KDM4C: variants seen among roughly 807,000 people sequenced by gnomAD.
KDM4C encodes the protein lysine demethylase 4C, also known as lysine-specific demethylase 4C.
KDM4C carries 81 observed loss-of-function variants against 129.3 expected under a neutral mutation model. That is an observed-to-expected ratio of 0.63 (90% CI 0.52 to 0.75). The LOEUF (loss-of-function observed/expected upper bound fraction) is 0.75, where lower values mean the gene tolerates loss of function less well. Among genes scored for constraint, KDM4C ranks in the 30% least tolerant of loss-of-function variants. The pLI is 0.00. For missense variants in KDM4C, 1,457 were observed against 1,304.0 expected (o/e 1.12, Z -1.81); for synonymous variants, 573 against 456.1 (o/e 1.26, Z -3.26).
chr9:7,104,074 A>G (rs1837409471), intron 18 of KDM4C: 3 of 548,008 alleles, frequency 5.5e-6, no homozygotes, highest in Admixed American at 6.1e-5. Context: ...GGTGCACGCT[A>G]GGCACAATAA....
At chr9:6,759,422 TTTGCGATTATCGC>T in intron 1 of KDM4C, among the ~76,000 whole-genome samples, 1 of 152,328 alleles carries the variant, frequency 6.6e-6, no homozygotes, top group Non-Finnish European at 1.5e-5. Flanking sequence ...TCGGCTCTGC[TTTGCGATTATCGC>T]TTGCTTTCTT....
intron 8 of KDM4C, among the ~76,000 whole-genome samples, chr9:6,895,823 CTTTA>C (rs1816325117): frequency 6.6e-6 from 1 of 152,112 alleles, no homozygotes; most frequent in South Asian, 2.1e-4. Flanking sequence ...AGGAAAATAA[CTTTA>C]TAAAGAGATA....
At chr9:7,035,634 C>G (rs1162895743) in intron 15 of KDM4C, among the ~76,000 whole-genome samples, 2 of 151,912 alleles carry the variant, frequency 1.3e-5, no homozygotes, top group African/African-American at 4.8e-5. Context: ...AGGTTTAGGT[C>G]TTTGATTCAT....
At chr9:6,956,836 A>G (rs879262648) in intron 8 of KDM4C, among the ~76,000 whole-genome samples, 1 of 152,176 alleles carries the variant, frequency 6.6e-6, no homozygotes, top group East Asian at 1.9e-4. Flanking sequence ...TTATCAAGGC[A>G]TAGTAGGGTA....
upstream of KDM4C, among the ~76,000 whole-genome samples, chr9:6,754,542 G>A (rs1818181419): frequency 1.3e-5 from 2 of 152,078 alleles, no homozygotes; most frequent in Non-Finnish European, 2.9e-5. Flanking sequence ...AAAGTGTAGT[G>A]TACTTCAACA....
chr9:7,117,350 C>G (rs1839013597), intron 18 of KDM4C, among the ~76,000 whole-genome samples: 1 of 152,016 alleles, frequency 6.6e-6, no homozygotes, highest in South Asian at 2.1e-4. Context: ...GTGTGTTTAA[C>G]CCATTCACCA....
At chr9:6,778,271 G>T (rs1042159363) in intron 1 of KDM4C, among the ~76,000 whole-genome samples, 1 of 151,046 alleles carries the variant, frequency 6.6e-6, no homozygotes, top group African/African-American at 2.4e-5. Context: ...TGTATTTTTA[G>T]TAGAGACAGG....
At chr9:6,875,859 G>T (rs1843467777) in intron 5 of KDM4C, among the ~76,000 whole-genome samples, 2 of 152,172 alleles carry the variant, frequency 1.3e-5, no homozygotes, top group South Asian at 4.1e-4. Flanking sequence ...CTCCTGAATT[G>T]AATTAGATTG....
chr9:6,933,355 A>C (rs1009766647), intron 8 of KDM4C, among the ~76,000 whole-genome samples: 2 of 152,202 alleles, frequency 1.3e-5, no homozygotes, highest in African/African-American at 4.8e-5. Flanking sequence ...CCTATCTGAG[A>C]TAGATTTTAG....
chr9:6,854,537 A>AAAC (rs1839440554), intron 5 of KDM4C, among the ~76,000 whole-genome samples: 1 of 146,234 alleles, frequency 6.8e-6, no homozygotes. Flanking sequence ...AAAAAAAAAA[A>AAAC]AAAAAAAACA....
At chr9:6,904,316 G>T (rs1205679758) in intron 8 of KDM4C, among the ~76,000 whole-genome samples, 1 of 151,874 alleles carries the variant, frequency 6.6e-6, no homozygotes, top group East Asian at 1.9e-4. Flanking sequence ...TTCATTTACA[G>T]CAAGTAAAAC....
At chr9:7,067,740 C>G (rs1000241103) in intron 17 of KDM4C, among the ~76,000 whole-genome samples, 19 of 152,096 alleles carry the variant, frequency 1.2e-4, no homozygotes, top group African/African-American at 4.6e-4. Flanking sequence ...TGAAAGTCGT[C>G]TTTAGCTCCA....
chr9:6,905,514 G>C (rs970701548), intron 8 of KDM4C, among the ~76,000 whole-genome samples: 1 of 152,152 alleles, frequency 6.6e-6, no homozygotes, highest in African/African-American at 2.4e-5. Context: ...TATCAGAGAG[G>C]TTCTTCTGAA....
chr9:6,926,341 T>TAAAAAAAAA lies in KDM4C; in HGVS notation c.921+33115_921+33123dup, dbSNP rs33974740. Among the ~76,000 whole-genome samples, 130 of 107,378 alleles carry TAAAAAAAAA rather than the reference T, an allele frequency of 1.2e-3. 2 individuals are homozygous for TAAAAAAAAA. The highest frequency in any genetic ancestry group is 2.3e-3 in the African/African-American group (68 of 30,012). 70.4% of individuals were successfully genotyped at this position (107,378 alleles called of 152,430 possible). ...GAAGCAGTTGTAGAGAGATAATTTG[T>TAAAAAAAAA]AAAAAAAAAAAAAAGGACCAAAATA... On this transcript the variant is annotated intron_variant, in intron 8 of 21. Transcript: ENST00000381309.
intron 8 of KDM4C, among the ~76,000 whole-genome samples, chr9:6,930,570 A>G (rs1022137820): frequency 1.3e-5 from 2 of 148,564 alleles, no homozygotes; most frequent in Non-Finnish European, 3.0e-5. Context: ...TATATATGTT[A>G]TCTATAACAT....
At chr9:7,023,366 G>T (rs917788789) in intron 15 of KDM4C, among the ~76,000 whole-genome samples, 10 of 152,032 alleles carry the variant, frequency 6.6e-5, no homozygotes, top group Admixed American at 6.6e-4. Context: ...TTCAATCTTA[G>T]TAGGTTGAAT....
chr9:6,899,080 C>G (rs1232021172), intron 8 of KDM4C, among the ~76,000 whole-genome samples: 3 of 149,680 alleles, frequency 2.0e-5, no homozygotes, highest in East Asian at 2.0e-4. Context: ...TTTACCTCTA[C>G]TTTTTGCTGT....
chr9:7,059,035 C>T (rs1044823099), intron 17 of KDM4C, among the ~76,000 whole-genome samples: 1 of 152,186 alleles, frequency 6.6e-6, no homozygotes, highest in South Asian at 2.1e-4. Context: ...TTTCCCAGTA[C>T]TTACAGGCTT....
chr9:7,000,376 A>G (rs538053446), intron 12 of KDM4C, among the ~76,000 whole-genome samples: 2 of 152,242 alleles, frequency 1.3e-5, no homozygotes, highest in African/African-American at 2.4e-5. Context: ...AAACTTTTCT[A>G]AACAATGATT....
Sources: allele counts gnomAD v4.1 joint callset (sites outside exome capture counted in the v4.1 genomes callset), GRCh38; gene constraint gnomAD v4.1.1; transcripts MANE v1.5; gene names NCBI Gene and HGNC (gene_info 2026-07-23, HGNC 2026-07-21).